The following DNAH17 variants were observed in gnomAD, a reference collection of about 807,000 sequenced individuals.
DNAH17 encodes axonemal beta dynein heavy chain 17.
In DNAH17, 376 loss-of-function variants were observed where a neutral mutation model predicts 485.6. The observed-to-expected ratio is 0.77, with a 90% CI of 0.71 to 0.84. DNAH17 has a LOEUF of 0.84. Among genes scored for constraint, DNAH17 ranks in the 40% least tolerant of loss-of-function variants. DNAH17 has a pLI of 0.00. For synonymous variants in DNAH17, 3,031 were observed against 2,405.9 expected (o/e 1.26, Z -7.60); for missense variants, 6,370 against 5,839.3 (o/e 1.09, Z -2.96).
At chr17:78,476,324 CGG>C (rs2089018070) in intron 52 of DNAH17, among the ~76,000 whole-genome samples, 1 of 92,116 alleles carries the variant, frequency 1.1e-5, no homozygotes, top group African/African-American at 5.4e-5. Context: ...GTGGAACCCT[CGG>C]ACCCACAGCC....
Position 78,424,154 on chromosome 17 carries a change from CT to C in DNAH17, c.13142-2del. On this transcript the variant is annotated splice_acceptor_variant, in intron 80 of 80. Transcript: ENST00000389840. LOFTEE classifies it high-confidence loss of function. ...CCAGTCTGGGTGTCCCAGCGAGCCC[CT>C]GCAGGGACAGTATGGCTGAGGGTCA... The C allele has an allele frequency of 6.2e-7, 1 of 1,608,762 alleles. No homozygotes were observed. The highest frequency in any genetic ancestry group is 8.5e-7 in the Non-Finnish European group (1 of 1,177,728).
chr17:78,441,338 G>T, intron 71 of DNAH17, 139 bp from the exon 72 acceptor site: 1 of 953,982 alleles, frequency 1.0e-6, no homozygotes, highest in Non-Finnish European at 1.5e-6. Context: ...TGGCAGGAGA[G>T]CAGAGTCTTT....
At chr17:78,565,224 G>T (rs1470099659) in intron 11 of DNAH17, among the ~76,000 whole-genome samples, 1 of 152,150 alleles carries the variant, frequency 6.6e-6, no homozygotes, top group Non-Finnish European at 1.5e-5. Context: ...GGTATAAATC[G>T]TGAGTAAGGT....
intron 74 of DNAH17, among the ~76,000 whole-genome samples, chr17:78,435,698 T>C (rs1458332816): frequency 6.6e-6 from 1 of 152,198 alleles, no homozygotes; most frequent in African/African-American, 2.4e-5. Flanking sequence ...GTTTGTTGAG[T>C]GCCTCCTGGA....
intron 75 of DNAH17, 54 bp downstream of exon 75, chr17:78,433,975 A>AGGAGGGAAAGAG: frequency 7.2e-7 from 1 of 1,386,468 alleles, no homozygotes; most frequent in Non-Finnish European, 9.7e-7. Flanking sequence ...GAGGGAGGGA[A>AGGAGGGAAAGAG]GGAGGGAAAG....
chr17:78,557,699 T>TCA (rs1430263628), intron 14 of DNAH17, among the ~76,000 whole-genome samples: 1 of 112,104 alleles, frequency 8.9e-6, no homozygotes, highest in Admixed American at 9.7e-5. Context: ...AATAAGATAT[T>TCA]CATCACCAGC....
At chr17:78,508,031 A>C (rs1446542108) in intron 27 of DNAH17, among the ~76,000 whole-genome samples, 12 of 152,334 alleles carry the variant, frequency 7.9e-5, no homozygotes, top group African/African-American at 2.4e-4. Context: ...CACTAAAGGA[A>C]TGAAGTACAG....
chr17:78,545,931 T>G (rs2091749666), intron 16 of DNAH17, among the ~76,000 whole-genome samples: 1 of 152,106 alleles, frequency 6.6e-6, no homozygotes, highest in Non-Finnish European at 1.5e-5. Flanking sequence ...TATGTATGTA[T>G]GCAAGGATGT....
In DNAH17 at chr17:78,569,443, C is replaced by T. The variant is rs774868151; in HGVS notation, c.1129G>A (p.Val377Ile). The T allele has an allele frequency of 5.0e-6, 8 of 1,612,330 alleles. No homozygotes were observed. The South Asian group carries it at 7.7e-5, about 16-fold the overall frequency. The change falls in exon 8 of 81, where the codon GTA becomes ATA. Residue 377 changes from valine to isoleucine, a missense_variant. Transcript: ENST00000389840. ...EEVLSGISLA[V>I]NVLKELYQTY... is the part of the protein sequence containing the mutation. The stretch of plus-strand genomic sequence containing the variant: ...TGGTAGAGCTCCTTCAGCACATTTA[C>T]AGCCAGGGAGATGCCACTCAGGACT...
intron 49 of DNAH17, among the ~76,000 whole-genome samples, chr17:78,479,930 A>T (rs566639571): frequency 6.7e-6 from 1 of 149,760 alleles, no homozygotes; most frequent in Admixed American, 6.7e-5. Context: ...TAGATAACTT[A>T]GAGGCAAAGT....
chr17:78,507,469 G>A lies in DNAH17; in HGVS notation c.4573C>T (p.Gln1525Ter), dbSNP rs556637177. ...GDSQRFDDIN[Q>*]EFKALMEDAV... ...CGGGCTGTGCTCACCTTGAATTCCT[G>A]GTTGATGTCGTCAAAGCGCTGGGAG... Residue 1525 changes from glutamine to a stop codon, truncating the protein, a stop_gained, in exon 28 of 81, where the codon CAG becomes TAG. Coordinates refer to ENST00000389840, the MANE Select transcript of DNAH17 (RefSeq NM_173628.4). LOFTEE classifies it high-confidence loss of function. 6.2e-7 allele frequency: 1 copy of A among 1,612,260 alleles called. No individual in the cohort carries two copies. Among genetic ancestry groups the A allele is most frequent in the Non-Finnish European group, 8.5e-7 (1 of 1,178,314 alleles).
chr17:78,491,060 C>T lies in DNAH17; in HGVS notation c.6670-213G>A, dbSNP rs115937158. On this transcript the variant is annotated intron_variant, in intron 43 of 80. Transcript: ENST00000389840. ...CCTCTAGACGCCCACACCGTGAGGG[C>T]TGCAGCATGGAGTCAGGGCTGCTTT... is the stretch of plus-strand genomic sequence containing the variant. Among the ~76,000 whole-genome samples, 74 of 152,326 alleles carry T rather than the reference C, an allele frequency of 4.9e-4. 1 individual carries two copies. The highest frequency in any genetic ancestry group is 1.6e-3 in the African/African-American group (68 of 41,576).
intron 11 of DNAH17, 82 bp downstream of exon 11, chr17:78,566,532 G>T: frequency 9.9e-7 from 1 of 1,011,578 alleles, no homozygotes; most frequent in Non-Finnish European, 1.5e-6. Flanking sequence ...AGGATGAAAT[G>T]GTCTCCAAGA....
chr17:78,477,502 G>A (rs1371346609), intron 51 of DNAH17, among the ~76,000 whole-genome samples: 4 of 152,038 alleles, frequency 2.6e-5, no homozygotes, highest in South Asian at 2.1e-4. Flanking sequence ...TCAGCCTCCC[G>A]AGTAGCTGGG....
intron 70 of DNAH17, among the ~76,000 whole-genome samples, chr17:78,445,242 A>AGGAGGGGAGGCTGGGGGGG (rs2087234359): frequency 1.5e-5 from 2 of 132,072 alleles, no homozygotes; most frequent in African/African-American, 5.8e-5. Flanking sequence ...GGCTGGGGGG[A>AGGAGGGGAGGCTGGGGGGG]GGAGGAGAGG....
At chr17:78,513,101 A>AC (rs985292561) in intron 26 of DNAH17, among the ~76,000 whole-genome samples, 50 of 151,366 alleles carry the variant, frequency 3.3e-4, no homozygotes, top group Middle Eastern at 3.4e-3. Flanking sequence ...AATTGAATGA[A>AC]CCCCCCCTCT....
intron 22 of DNAH17, among the ~76,000 whole-genome samples, chr17:78,529,143 C>T (rs1331819234): frequency 2.0e-5 from 3 of 152,090 alleles, no homozygotes; most frequent in Admixed American, 1.3e-4. Flanking sequence ...CTTTCTCCCA[C>T]GTTGCTCAGG....
At chr17:78,458,755 G>A in intron 61 of DNAH17, 75 bp from the exon 62 acceptor site, 1 of 1,355,474 alleles carries the variant, frequency 7.4e-7, no homozygotes, top group Non-Finnish European at 1.1e-6. Flanking sequence ...CAGCAGGGCT[G>A]GGCCCTGTGA....
At chr17:78,543,287 G>GTAT (rs1200669389) in intron 17 of DNAH17, among the ~76,000 whole-genome samples, 2 of 139,268 alleles carry the variant, frequency 1.4e-5, no homozygotes, top group African/African-American at 5.4e-5. Context: ...GTTAATTTTT[G>GTAT]TTTTTTTTTT....
Sources: gnomAD v4.1 joint callset for allele counts (sites outside exome capture counted in the v4.1 genomes callset) on GRCh38, gnomAD v4.1.1 for gene constraint, MANE v1.5 for transcripts, NCBI Gene and HGNC (gene_info 2026-07-23, HGNC 2026-07-21) for gene names.